The following ARHGAP24 variants were observed in gnomAD, a reference collection of about 807,000 sequenced individuals.
ARHGAP24 encodes the protein rho GTPase-activating protein 24.
ARHGAP24 carries 50 observed loss-of-function variants against 76.4 expected under a neutral mutation model. The ratio of observed to expected loss-of-function variants is 0.65; its 90% CI spans 0.52 to 0.83. ARHGAP24 has a LOEUF of 0.83. Among genes scored for constraint, ARHGAP24 ranks in the 40% least tolerant of loss-of-function variants. ARHGAP24 has a pLI of 0.00. For synonymous variants in ARHGAP24, 345 were observed against 323.3 expected (o/e 1.07, Z -0.72); for missense variants, 930 against 914.2 (o/e 1.02, Z -0.22).
In ARHGAP24 at chr4:85,520,142, G is replaced by A. The variant is rs1008039364; in HGVS notation, c.-21+44583G>A. 5.3e-5 allele frequency among the ~76,000 whole-genome samples: 8 copies of A among 152,154 alleles called. No individual in the cohort carries two copies. In the East Asian group the frequency reaches 7.7e-4, roughly 15 times the overall value. ...ATAAACCAGCTATACAAGACAAATA[G>A]TGTGTATAAAAGAGGTTTTAATTTC... On this transcript the variant is annotated intron_variant, in intron 1 of 9. Coordinates refer to ENST00000395184, the MANE Select transcript of ARHGAP24 (RefSeq NM_001025616.3).
intron 5 of ARHGAP24, among the ~76,000 whole-genome samples, chr4:85,969,953 CAT>C (rs940593692): frequency 4.6e-5 from 7 of 152,122 alleles, no homozygotes; most frequent in African/African-American, 1.4e-4. Flanking sequence ...GAAAGAAAAA[CAT>C]ATATTTATTT....
At chr4:85,906,821 AAAG>A (rs1198113872) in intron 3 of ARHGAP24, among the ~76,000 whole-genome samples, 1 of 149,298 alleles carries the variant, frequency 6.7e-6, no homozygotes, top group Admixed American at 6.6e-5. Flanking sequence ...TGAAAGACAA[AAAG>A]AAGAGATTTT....
chr4:85,538,751 GGTA>G (rs1242432518), intron 1 of ARHGAP24, among the ~76,000 whole-genome samples: 17 of 152,156 alleles, frequency 1.1e-4, no homozygotes, highest in South Asian at 4.2e-4. Flanking sequence ...TTGAGATCTT[GGTA>G]TCAGTATAGA....
At chr4:85,684,251 T>C (rs192336721) in intron 2 of ARHGAP24, among the ~76,000 whole-genome samples, 1 of 152,342 alleles carries the variant, frequency 6.6e-6, no homozygotes, top group African/African-American at 2.4e-5. Context: ...CACATCTTTG[T>C]CAACACTTGT....
intron 2 of ARHGAP24, among the ~76,000 whole-genome samples, chr4:85,633,484 C>G (rs1383577786): frequency 6.6e-6 from 1 of 151,804 alleles, no homozygotes; most frequent in Non-Finnish European, 1.5e-5. Flanking sequence ...TAGGCATCTG[C>G]AAGGTCCTAA....
At chr4:85,743,619 C>G (rs1181286830) in intron 3 of ARHGAP24, among the ~76,000 whole-genome samples, 1 of 151,810 alleles carries the variant, frequency 6.6e-6, no homozygotes, top group Non-Finnish European at 1.5e-5. Flanking sequence ...AAACAAAACC[C>G]ACAGAGAAGA....
intron 3 of ARHGAP24, among the ~76,000 whole-genome samples, chr4:85,863,100 C>A (rs1731994141): frequency 1.3e-5 from 2 of 152,078 alleles, no homozygotes; most frequent in African/African-American, 2.4e-5. Flanking sequence ...TCATCTTGGG[C>A]CACTCTCCCT....
At chr4:85,586,646 T>C (rs1481551944) in intron 2 of ARHGAP24, among the ~76,000 whole-genome samples, 1 of 152,166 alleles carries the variant, frequency 6.6e-6, no homozygotes, top group Non-Finnish European at 1.5e-5. Context: ...ACACCTGTAA[T>C]CCCAGCACTT....
At chr4:85,570,795 T>G in intron 2 of ARHGAP24, 74 bp downstream of exon 2, 1 of 1,541,264 alleles carries the variant, frequency 6.5e-7, no homozygotes, top group African/African-American at 1.4e-5. Flanking sequence ...AGAAACCGAT[T>G]GGGACTGAGA....
At chr4:85,993,622 T>C (rs575527227) in intron 8 of ARHGAP24, among the ~76,000 whole-genome samples, 6 of 152,314 alleles carry the variant, frequency 3.9e-5, no homozygotes, top group African/African-American at 1.4e-4. Flanking sequence ...AAATTATGCA[T>C]TGTCAAAAGC....
At chr4:85,661,645 C>A (rs1722390467) in intron 2 of ARHGAP24, among the ~76,000 whole-genome samples, 1 of 151,894 alleles carries the variant, frequency 6.6e-6, no homozygotes, top group South Asian at 2.1e-4. Context: ...TTAGGTATAT[C>A]TCCTAATGCT....
At chr4:85,934,305 A>G (rs2148819405) in intron 4 of ARHGAP24, among the ~76,000 whole-genome samples, 1 of 152,116 alleles carries the variant, frequency 6.6e-6, no homozygotes, top group South Asian at 2.1e-4. Flanking sequence ...TCCCCAGACT[A>G]TTTCATCCTT....
chr4:85,716,155 T>C (rs561844028), intron 2 of ARHGAP24, among the ~76,000 whole-genome samples: 107 of 152,166 alleles, frequency 7.0e-4, no homozygotes, highest in African/African-American at 2.5e-3. Flanking sequence ...TTTTTTCCAA[T>C]CCAAATTCCA....
intron 3 of ARHGAP24, chr4:85,827,804 C>T: frequency 1.3e-6 from 1 of 791,120 alleles, no homozygotes; most frequent in Non-Finnish European, 1.8e-6. Flanking sequence ...GCCGTGGTTT[C>T]CATTCCTGGG....
chr4:85,636,856 G>A (rs1204745260), intron 2 of ARHGAP24, among the ~76,000 whole-genome samples: 1 of 151,964 alleles, frequency 6.6e-6, no homozygotes, highest in Non-Finnish European at 1.5e-5. Flanking sequence ...AAACCAAACT[G>A]TAGGCTCTTA....
chr4:85,573,602 GTGATATAT>G (rs1305434202), intron 2 of ARHGAP24, among the ~76,000 whole-genome samples: 2 of 152,218 alleles, frequency 1.3e-5, no homozygotes, highest in African/African-American at 2.4e-5. Flanking sequence ...AAGACCTGCA[GTGATATAT>G]TGTAGAATAT....
rs1361033595 is a variant in ARHGAP24 at position 85,554,209 on chromosome 4, A to G, written c.-20-16313A>G. On this transcript the variant is annotated intron_variant, in intron 1 of 9. Transcript: ENST00000395184. ...ATGGGTTTCACTTTTTAGGTCACCT[A>G]TGCCTTCTCTCTAGCTGCCTTTAAC... Among the ~76,000 whole-genome samples the G allele has an allele frequency of 3.6e-5, 5 of 138,420 alleles. No individual in the cohort carries two copies. In the South Asian group the frequency reaches 1.4e-3, roughly 38 times the overall value. The allele number at this position is 138,420 out of a possible 152,430, so 90.8% of individuals were successfully genotyped here.
chr4:85,960,880 T>C (rs1226001482), intron 5 of ARHGAP24, among the ~76,000 whole-genome samples: 6 of 152,178 alleles, frequency 3.9e-5, no homozygotes, highest in Non-Finnish European at 8.8e-5. Flanking sequence ...AGTACCTTTA[T>C]TTGTTTTCTG....
intron 2 of ARHGAP24, among the ~76,000 whole-genome samples, chr4:85,687,398 G>A (rs1041440923): frequency 2.0e-5 from 3 of 152,224 alleles, no homozygotes; most frequent in South Asian, 2.1e-4. Context: ...GTACACAATA[G>A]GTAGTTTTTT....
Sources: allele counts gnomAD v4.1 joint callset (sites outside exome capture counted in the v4.1 genomes callset), GRCh38; gene constraint gnomAD v4.1.1; transcripts MANE v1.5; gene names NCBI Gene and HGNC (gene_info 2026-07-23, HGNC 2026-07-21).